Variants in PTPRD observed in about 807,000 individuals in gnomAD.
The protein encoded by PTPRD is receptor-type tyrosine-protein phosphatase delta.
A neutral mutation model predicts 214.5 loss-of-function variants in PTPRD; 34 were observed. The observed-to-expected ratio is 0.16, with a 90% confidence interval of 0.12 to 0.21. PTPRD has a LOEUF of 0.21. PTPRD is among the 10% of genes least tolerant of loss of function. The pLI, the probability that PTPRD is intolerant of heterozygous loss-of-function variation, is 1.00. For synonymous variants in PTPRD, 1,128 were observed against 845.7 expected (o/e 1.33, Z -5.79); for missense variants, 2,545 against 2,398.7 (o/e 1.06, Z -1.27).
chr9:10,190,406 AAAAAAAAAAAAAAAC>A lies in PTPRD; in HGVS notation c.-545+150542_-545+150556del, dbSNP rs1487781404. Among the ~76,000 whole-genome samples the A allele has an allele frequency of 2.8e-3, 305 of 107,148 alleles. 5 individuals are homozygous for A. The highest frequency in any genetic ancestry group is 4.5e-3 in the African/African-American group (103 of 22,758). The allele number at this position is 107,148 out of a possible 152,430, so 70.3% of individuals were successfully genotyped here. On this transcript the variant is annotated intron_variant, in intron 3 of 45. Coordinates refer to ENST00000381196, the MANE Select transcript of PTPRD (RefSeq NM_002839.4). ...CTCCAGAAAAAAAAAAAAAAAAAAAAAAAAAAAAAAAAAACAAAAAGTCAAAGTGGGCCAGGCGCT... is the reference window on the plus strand; with the variant it reads ...CTCCAGAAAAAAAAAAAAAAAAAAAAAAAAAGTCAAAGTGGGCCAGGCGCT...
At chr9:9,821,089 T>G (rs2050555971) in intron 5 of PTPRD, among the ~76,000 whole-genome samples, 1 of 152,202 alleles carries the variant, frequency 6.6e-6, no homozygotes, top group South Asian at 2.1e-4. Flanking sequence ...TTAATGACAT[T>G]GATTATTTCA....
At chr9:8,746,386 T>C (rs1188522754) in intron 11 of PTPRD, among the ~76,000 whole-genome samples, 3 of 152,220 alleles carry the variant, frequency 2.0e-5, no homozygotes, top group Admixed American at 2.0e-4. Context: ...GCACTATGCA[T>C]TTCCCATACC....
At chr9:8,938,234 T>C (rs1287416001) in intron 11 of PTPRD, among the ~76,000 whole-genome samples, 1 of 151,512 alleles carries the variant, frequency 6.6e-6, no homozygotes, top group Non-Finnish European at 1.5e-5. Context: ...TGGCAATTGA[T>C]TGGATTTTAG....
chr9:9,894,251 C>T (rs1405584364), intron 5 of PTPRD, among the ~76,000 whole-genome samples: 1 of 152,000 alleles, frequency 6.6e-6, no homozygotes, highest in Admixed American at 6.6e-5. Context: ...ATCTTTTCCC[C>T]ACTCAGCCCC....
chr9:9,229,966 CATTT>C (rs2099962046), intron 9 of PTPRD, among the ~76,000 whole-genome samples: 1 of 151,840 alleles, frequency 6.6e-6, no homozygotes, highest in Non-Finnish European at 1.5e-5. Flanking sequence ...GATTTATTTT[CATTT>C]ATTAAGATTT....
chr9:9,328,618 CTTTTTTTTTTTTTTTTTTTTTTTTTTT>C (rs869076374), intron 9 of PTPRD, among the ~76,000 whole-genome samples: 2 of 28,214 alleles, frequency 7.1e-5, no homozygotes, highest in African/African-American at 2.5e-4. Flanking sequence ...GTTGTTCTTG[CTTTTTTTTTTTTTTTTTTTTTTTTTTT>C]TTTTTTTTTT....
chr9:8,526,420 A>G (rs1478620778), intron 17 of PTPRD, among the ~76,000 whole-genome samples: 1 of 152,086 alleles, frequency 6.6e-6, no homozygotes, highest in African/African-American at 2.4e-5. Flanking sequence ...TCATAAAGAA[A>G]GAAATGAACA....
chr9:9,832,266 G>A (rs989875804), intron 5 of PTPRD, among the ~76,000 whole-genome samples: 1 of 151,912 alleles, frequency 6.6e-6, no homozygotes, highest in Non-Finnish European at 1.5e-5. Flanking sequence ...CTACAATGAA[G>A]TACCAGAAGC....
Position 10,058,097 on chromosome 9 carries a change from G to T in PTPRD, c.-544-24307C>A, listed in dbSNP as rs115547090. Among the ~76,000 whole-genome samples, 477 of 152,162 alleles carry T rather than the reference G, an allele frequency of 3.1e-3. 1 individual carries two copies. Among genetic ancestry groups the T allele is most frequent in the African/African-American group, 0.01 (436 of 41,534 alleles). ...AAGAGTGGAAATGTAATAAATGTTT[G>T]ATTGTTTTGGCTACTCAACACCCTT... On this transcript the variant is annotated intron_variant, in intron 3 of 45. Coordinates refer to ENST00000381196, the MANE Select transcript of PTPRD (RefSeq NM_002839.4).
At chr9:9,813,703 A>G (rs73641357) in intron 5 of PTPRD, among the ~76,000 whole-genome samples, 6,941 of 152,214 alleles carry the variant, frequency 0.046, 530 homozygotes, top group African/African-American at 0.15. Flanking sequence ...AGTGATTAAA[A>G]GCAGTCCTTT....
intron 3 of PTPRD, among the ~76,000 whole-genome samples, chr9:10,188,525 C>G (rs1378858160): frequency 6.6e-6 from 1 of 150,904 alleles, no homozygotes; most frequent in Non-Finnish European, 1.5e-5. Flanking sequence ...AAATAACTAG[C>G]TTTTTCAATA....
At chr9:8,574,948 T>A (rs1444541684) in intron 14 of PTPRD, among the ~76,000 whole-genome samples, 2 of 152,082 alleles carry the variant, frequency 1.3e-5, no homozygotes, top group Non-Finnish European at 2.9e-5. Flanking sequence ...ATCAATATCA[T>A]ATAAATAAAG....
intron 2 of PTPRD, among the ~76,000 whole-genome samples, chr9:10,609,597 ATG>A (rs1001533009): frequency 7.1e-4 from 108 of 152,252 alleles, no homozygotes; most frequent in African/African-American, 2.5e-3. Context: ...TTAAAGAAAA[ATG>A]TGCATTTGCA....
intron 2 of PTPRD, among the ~76,000 whole-genome samples, chr9:10,505,464 G>A (rs1226941959): frequency 6.6e-6 from 1 of 152,174 alleles, no homozygotes; most frequent in Non-Finnish European, 1.5e-5. Flanking sequence ...AGACATATCA[G>A]CCACTGAGTC....
At chr9:10,386,735 G>C (rs1419205325) in intron 2 of PTPRD, among the ~76,000 whole-genome samples, 1 of 151,738 alleles carries the variant, frequency 6.6e-6, no homozygotes. Context: ...AGAGAGAAGA[G>C]AGACAATTCT....
intron 10 of PTPRD, among the ~76,000 whole-genome samples, chr9:9,026,883 T>C (rs1050830890): frequency 6.6e-6 from 1 of 151,846 alleles, no homozygotes; most frequent in African/African-American, 2.4e-5. Context: ...CATTTTAGCC[T>C]TATCAGCCAA....
intron 7 of PTPRD, among the ~76,000 whole-genome samples, chr9:9,645,933 A>G (rs912144069): frequency 6.6e-6 from 1 of 152,174 alleles, no homozygotes; most frequent in African/African-American, 2.4e-5. Context: ...CTAGTTGTAC[A>G]TATTTTGGGG....
At chr9:9,191,087 T>C (rs1302734457) in intron 9 of PTPRD, among the ~76,000 whole-genome samples, 1 of 152,138 alleles carries the variant, frequency 6.6e-6, no homozygotes, top group Middle Eastern at 3.2e-3. Flanking sequence ...GCTGCAAAAG[T>C]AATGGCAAGT....
chr9:10,523,877 A>G (rs1268403835), intron 2 of PTPRD, among the ~76,000 whole-genome samples: 1 of 151,900 alleles, frequency 6.6e-6, no homozygotes. Flanking sequence ...AATTAATAAA[A>G]TGTAAAATGC....
Sources: gnomAD v4.1 joint callset for allele counts (sites outside exome capture counted in the v4.1 genomes callset) on GRCh38, gnomAD v4.1.1 for gene constraint, MANE v1.5 for transcripts, NCBI Gene and HGNC (gene_info 2026-07-23, HGNC 2026-07-21) for gene names.